DOCK7: variants seen among roughly 807,000 people sequenced by gnomAD.
DOCK7 encodes dedicator of cytokinesis 7, also known as dedicator of cytokinesis protein 7.
In DOCK7, 138 loss-of-function variants were observed where a neutral mutation model predicts 271.0. That is an observed-to-expected ratio of 0.51 (90% confidence interval 0.44 to 0.59). DOCK7 has a LOEUF of 0.59. DOCK7 is among the 20% of genes least tolerant of loss of function. The probability of loss-of-function intolerance (pLI) is 0.00; values close to 1 mark genes in which losing one functional copy is unlikely to be tolerated. For missense variants in DOCK7, 2,066 were observed against 2,592.4 expected (o/e 0.80, Z 4.41); for synonymous variants, 823 against 876.1 (o/e 0.94, Z 1.07).
At chr1:62,472,919 T>C (rs1041503033) in intron 48 of DOCK7, among the ~76,000 whole-genome samples, 2 of 152,212 alleles carry the variant, frequency 1.3e-5, no homozygotes, top group Non-Finnish European at 2.9e-5. Context: ...TCACAACTCA[T>C]TGCTGGAGGA....
intron 41 of DOCK7, among the ~76,000 whole-genome samples, chr1:62,491,407 C>T (rs1486419562): frequency 6.6e-6 from 1 of 152,222 alleles, no homozygotes; most frequent in Non-Finnish European, 1.5e-5. Context: ...GTAACTGATC[C>T]TATCAACATG....
At chr1:62,563,436 C>A (rs943125735) in intron 18 of DOCK7, among the ~76,000 whole-genome samples, 4 of 151,824 alleles carry the variant, frequency 2.6e-5, no homozygotes, top group Non-Finnish European at 5.9e-5. Flanking sequence ...TAGATAGACC[C>A]GACAAGGATT....
intron 14 of DOCK7, among the ~76,000 whole-genome samples, chr1:62,611,191 A>G (rs556182788): frequency 1.1e-4 from 16 of 152,348 alleles, no homozygotes; most frequent in African/African-American, 3.1e-4. Flanking sequence ...ATTCATCAAT[A>G]AACACATATA....
At chr1:62,552,437 T>C (rs1645938799) in intron 22 of DOCK7, among the ~76,000 whole-genome samples, 1 of 152,220 alleles carries the variant, frequency 6.6e-6, no homozygotes, top group South Asian at 2.1e-4. Context: ...TTTAATTCTA[T>C]ATGAAATCAA....
In DOCK7 at chr1:62,670,985, A is replaced by T. The variant is rs534093982; in HGVS notation, c.39-7855T>A. 4.6e-5 allele frequency among the ~76,000 whole-genome samples: 7 copies of T among 152,062 alleles called. No homozygotes were observed. In the East Asian group the frequency reaches 1.4e-3, roughly 29 times the overall value. On this transcript the variant is annotated intron_variant, in intron 1 of 49. Transcript: ENST00000635253. Reference sequence around the variant, plus strand: ...GCGAAGATCTGCAGCTTCACTCCTGAGCCCAGCGAGACCACGAGCCCACCG... The same window carrying T: ...GCGAAGATCTGCAGCTTCACTCCTGTGCCCAGCGAGACCACGAGCCCACCG...
chr1:62,660,144 T>C (rs1658498127), intron 2 of DOCK7, among the ~76,000 whole-genome samples: 2 of 152,088 alleles, frequency 1.3e-5, no homozygotes, highest in Non-Finnish European at 2.9e-5. Flanking sequence ...CCCAAAAGTA[T>C]ACACCAAGAC....
intron 18 of DOCK7, among the ~76,000 whole-genome samples, chr1:62,575,993 A>G (rs1478640894): frequency 6.6e-6 from 1 of 152,202 alleles, no homozygotes; most frequent in Non-Finnish European, 1.5e-5. Context: ...TCATCACTGA[A>G]AAGATGTGTC....
At chr1:62,569,436 C>T (rs1010461416) in intron 18 of DOCK7, among the ~76,000 whole-genome samples, 4 of 151,888 alleles carry the variant, frequency 2.6e-5, no homozygotes, top group East Asian at 1.9e-4. Context: ...GTTCAACACA[C>T]GCAAATCAAT....
rs182302326 is a variant in DOCK7 at position 62,672,979 on chromosome 1, C to T, written c.39-9849G>A. On this transcript the variant is annotated intron_variant, in intron 1 of 49. Coordinates refer to ENST00000635253, the MANE Select transcript of DOCK7 (RefSeq NM_001367561.1). ...GTATATACTAACATAGTAATAGGAA[C>T]ACTAGAATGACTACCACCATTGTTA... is the stretch of plus-strand genomic sequence containing the variant. Among the ~76,000 whole-genome samples, 20 of 152,228 alleles carry T rather than the reference C, an allele frequency of 1.3e-4. 1 individual carries two copies. The Middle Eastern group carries it at 0.01, about 78-fold the overall frequency.
chr1:62,581,837 G>A (rs1428924093), intron 16 of DOCK7, among the ~76,000 whole-genome samples: 2 of 151,986 alleles, frequency 1.3e-5, no homozygotes, highest in African/African-American at 2.4e-5. Context: ...TTTTAAGAAG[G>A]GCAAGGAAAA....
At chr1:62,649,264 A>C (rs1657048398) in intron 4 of DOCK7, among the ~76,000 whole-genome samples, 1 of 152,180 alleles carries the variant, frequency 6.6e-6, no homozygotes, top group Admixed American at 6.5e-5. Flanking sequence ...TTGAAGCAAA[A>C]CAATAATGTT....
intron 14 of DOCK7, among the ~76,000 whole-genome samples, chr1:62,603,309 G>A (rs1232389236): frequency 6.6e-6 from 1 of 151,626 alleles, no homozygotes; most frequent in Non-Finnish European, 1.5e-5. Context: ...AATGTTTAAT[G>A]AAAACAGTAT....
rs541001473 is a variant in DOCK7, at chr1:62,622,642, C to A, written c.1425+2617G>T. Among the ~76,000 whole-genome samples, 11 of 151,916 alleles carry A rather than the reference C, an allele frequency of 7.2e-5. No homozygotes were observed. In the East Asian group the frequency reaches 2.2e-3, roughly 30 times the overall value. ...CTAATATTTTTTATTTTTATAGAAA[C>A]AAGGTCGGCCAGGCACGGCGTCTCA... On this transcript the variant is annotated intron_variant, in intron 12 of 49. Transcript: ENST00000635253.
At chr1:62,559,316 G>T in intron 19 of DOCK7, 96 bp from the exon 20 acceptor site, 1 of 831,346 alleles carries the variant, frequency 1.2e-6, no homozygotes, top group Non-Finnish European at 1.8e-6. Flanking sequence ...CATATTACTT[G>T]ATAACACTAA....
At chr1:62,638,258 G>A (rs1655523480) in intron 7 of DOCK7, 1 of 152,082 alleles carries the variant, frequency 6.6e-6, no homozygotes, top group Non-Finnish European at 1.5e-5. Flanking sequence ...CCTTCTCTAT[G>A]ATTTATCTTC....
At chr1:62,687,068 C>T (rs1285499743) in intron 1 of DOCK7, among the ~76,000 whole-genome samples, 1 of 152,090 alleles carries the variant, frequency 6.6e-6, no homozygotes, top group African/African-American at 2.4e-5. Flanking sequence ...GCCTGAGCCA[C>T]TGCATCCGGC....
chr1:62,605,954 C>T (rs569915258), intron 14 of DOCK7: 43 of 151,898 alleles, frequency 2.8e-4, no homozygotes, highest in African/African-American at 8.7e-4. Context: ...AAATTAAACC[C>T]ATTTGTTAAA....
intron 17 of DOCK7, among the ~76,000 whole-genome samples, chr1:62,578,290 A>G (rs182226340): frequency 5.3e-4 from 81 of 152,342 alleles, no homozygotes; most frequent in Non-Finnish European, 2.9e-5. Flanking sequence ...CCAACACCCA[A>G]GTGTTTATAC....
chr1:62,462,520 C>T (rs1309023358), intron 48 of DOCK7, among the ~76,000 whole-genome samples: 3 of 152,164 alleles, frequency 2.0e-5, no homozygotes, highest in Non-Finnish European at 2.9e-5. Flanking sequence ...ATAGTGATGA[C>T]ACTGCAAACC....
Sources: allele counts gnomAD v4.1 joint callset (sites outside exome capture counted in the v4.1 genomes callset), GRCh38; gene constraint gnomAD v4.1.1; transcripts MANE v1.5; gene names NCBI Gene and HGNC (gene_info 2026-07-23, HGNC 2026-07-21).